SLC39A11: variants seen among roughly 807,000 people sequenced by gnomAD.
SLC39A11 encodes the protein solute carrier family 39 member 11.
In SLC39A11, 33 loss-of-function variants were observed where a neutral mutation model predicts 36.1. The observed-to-expected ratio is 0.91, with a 90% confidence interval of 0.69 to 1.22. The LOEUF (loss-of-function observed/expected upper bound fraction) is 1.22. SLC39A11 is among the 50% of genes most tolerant of loss of function. SLC39A11 has a pLI of 0.00. For synonymous variants in SLC39A11, 166 were observed against 170.3 expected (o/e 0.97, Z 0.20); for missense variants, 432 against 430.3 (o/e 1.00, Z -0.03).
intron 6 of SLC39A11, among the ~76,000 whole-genome samples, chr17:72,757,826 G>T (rs2075417599): frequency 6.6e-6 from 1 of 152,060 alleles, no homozygotes; most frequent in South Asian, 2.1e-4. Flanking sequence ...ATCCACCGTG[G>T]TGTCCCCTGG....
intron 4 of SLC39A11, among the ~76,000 whole-genome samples, chr17:72,957,755 G>T (rs1450258442): frequency 1.3e-5 from 2 of 152,074 alleles, no homozygotes; most frequent in African/African-American, 2.4e-5. Context: ...GGAGACAGAG[G>T]TTGCAGTGAC....
Position 72,761,497 on chromosome 17 carries a change from G to A in SLC39A11, c.602-24778C>T, listed in dbSNP as rs554789806. Among the ~76,000 whole-genome samples, 4 of 152,310 alleles carry A rather than the reference G, an allele frequency of 2.6e-5. No homozygotes were observed. In the South Asian group the frequency reaches 8.3e-4, roughly 32 times the overall value. The stretch of plus-strand genomic sequence containing the variant: ...TGCCAAACGTCAGCAGTAATGAAAG[G>A]GGAGGGTGATGTCTTTTGAGAACTT... On this transcript the variant is annotated intron_variant, in intron 6 of 9. Coordinates refer to ENST00000255559, the MANE Select transcript of SLC39A11 (RefSeq NM_139177.4).
intron 5 of SLC39A11, among the ~76,000 whole-genome samples, chr17:72,908,569 G>T (rs1178364629): frequency 6.6e-6 from 1 of 152,224 alleles, no homozygotes; most frequent in Non-Finnish European, 1.5e-5. Context: ...ATGAAAACAG[G>T]TCACACAGGC....
intron 6 of SLC39A11, among the ~76,000 whole-genome samples, chr17:72,807,251 C>G (rs2077286619): frequency 6.6e-6 from 1 of 152,110 alleles, no homozygotes; most frequent in South Asian, 2.1e-4. Context: ...ATTTTTCTGT[C>G]TTTATCTTTC....
At chr17:72,654,483 A>G (rs560278342) in intron 7 of SLC39A11, among the ~76,000 whole-genome samples, 5 of 152,330 alleles carry the variant, frequency 3.3e-5, no homozygotes, top group Admixed American at 3.3e-4. Flanking sequence ...ACATGTGAAT[A>G]TATTTATGTT....
chr17:72,959,835 C>A lies in SLC39A11; in HGVS notation c.307-11960G>T, dbSNP rs145247974. ...GTGCCTCCAGTGGTCAAAGTAGGAG[C>A]CAAGAGTCCATGTGTACCTCTGTAC... On this transcript the variant is annotated intron_variant, in intron 4 of 9. Coordinates refer to ENST00000255559, the MANE Select transcript of SLC39A11 (RefSeq NM_139177.4). Among the ~76,000 whole-genome samples, 656 of 152,286 alleles carry A rather than the reference C, an allele frequency of 4.3e-3. 7 individuals are homozygous for A. Among genetic ancestry groups the A allele is most frequent in the African/African-American group, 0.014 (596 of 41,548 alleles).
At chr17:72,969,895 C>T (rs1398851007) in intron 4 of SLC39A11, among the ~76,000 whole-genome samples, 2 of 152,226 alleles carry the variant, frequency 1.3e-5, no homozygotes, top group Non-Finnish European at 2.9e-5. Context: ...CCAAGCCTGG[C>T]AGGCCAGCCC....
intron 4 of SLC39A11, among the ~76,000 whole-genome samples, chr17:73,008,135 T>TTTG (rs1157995151): frequency 2.9e-5 from 2 of 68,638 alleles, no homozygotes; most frequent in Non-Finnish European, 1.0e-4. Flanking sequence ...AAAAGAAACA[T>TTTG]TTGTTGTTGG....
chr17:72,741,041 T>A (rs1447391663), intron 6 of SLC39A11, among the ~76,000 whole-genome samples: 1 of 152,058 alleles, frequency 6.6e-6, no homozygotes, highest in Non-Finnish European at 1.5e-5. Flanking sequence ...CCCAAAGTGC[T>A]GGGATTACAA....
intron 7 of SLC39A11, among the ~76,000 whole-genome samples, chr17:72,716,522 C>T (rs36064469): frequency 0.032 from 4,820 of 151,628 alleles, 117 homozygotes; most frequent in Non-Finnish European, 0.049. Context: ...GAGGGAAAGC[C>T]GCCGCTCTTC....
At chr17:72,708,012 C>T (rs560336220) in intron 7 of SLC39A11, among the ~76,000 whole-genome samples, 45 of 152,336 alleles carry the variant, frequency 3.0e-4, no homozygotes, top group African/African-American at 1.1e-3. Flanking sequence ...AGTCAATCTG[C>T]TTGCCAAGTC....
intron 5 of SLC39A11, among the ~76,000 whole-genome samples, chr17:72,883,769 G>A (rs754933296): frequency 5.3e-5 from 8 of 152,332 alleles, no homozygotes; most frequent in Non-Finnish European, 1.2e-4. Flanking sequence ...TTATTGTGGA[G>A]GGAAGGGGAT....
chr17:72,810,456 G>A (rs78872751), intron 6 of SLC39A11, among the ~76,000 whole-genome samples: 2,252 of 152,300 alleles, frequency 0.015, 54 homozygotes, highest in African/African-American at 0.052. Context: ...GAACCTCAGA[G>A]ATGTCACATT....
chr17:73,004,232 A>AAAGAAAGAAAGAAAGAAAAG, intron 4 of SLC39A11, among the ~76,000 whole-genome samples: 43 of 88,700 alleles, frequency 4.8e-4, no homozygotes, highest in African/African-American at 1.5e-3. Flanking sequence ...AGAAAGAAAG[A>AAAGAAAGAAAGAAAGAAAAG]AAAGAAAGAA....
chr17:72,781,625 G>A (rs1328801916), intron 6 of SLC39A11, among the ~76,000 whole-genome samples: 1 of 151,894 alleles, frequency 6.6e-6, no homozygotes, highest in Non-Finnish European at 1.5e-5. Context: ...GGATTTCACT[G>A]TGTTAACCAC....
At chr17:72,887,907 A>T (rs1021466298) in intron 5 of SLC39A11, among the ~76,000 whole-genome samples, 1 of 152,234 alleles carries the variant, frequency 6.6e-6, no homozygotes, top group Non-Finnish European at 1.5e-5. Flanking sequence ...GCTTGTGAAG[A>T]AAAGTACTCT....
intron 5 of SLC39A11, among the ~76,000 whole-genome samples, chr17:72,857,815 T>A (rs2146151569): frequency 6.6e-6 from 1 of 152,332 alleles, no homozygotes; most frequent in African/African-American, 2.4e-5. Flanking sequence ...CTCTGCTCAC[T>A]CTTTAATGGG....
At chr17:72,949,786 AAC>A (rs1277482311) in intron 4 of SLC39A11, among the ~76,000 whole-genome samples, 1 of 152,014 alleles carries the variant, frequency 6.6e-6, no homozygotes, top group Non-Finnish European at 1.5e-5. Flanking sequence ...GGTCCAAACA[AAC>A]ACAAGTTTTC....
intron 4 of SLC39A11, among the ~76,000 whole-genome samples, chr17:72,976,361 A>T (rs2087849564): frequency 6.6e-6 from 1 of 152,080 alleles, no homozygotes; most frequent in Non-Finnish European, 1.5e-5. Flanking sequence ...TTAATAAATG[A>T]ACAAAAGGAT....
Sources: gnomAD v4.1 joint callset for allele counts (sites outside exome capture counted in the v4.1 genomes callset) on GRCh38, gnomAD v4.1.1 for gene constraint, MANE v1.5 for transcripts, NCBI Gene and HGNC (gene_info 2026-07-23, HGNC 2026-07-21) for gene names.